PTPRM: variants seen among roughly 807,000 people sequenced by gnomAD.
PTPRM encodes receptor-type tyrosine-protein phosphatase mu.
In PTPRM, 47 loss-of-function variants were observed where a neutral mutation model predicts 186.7. The ratio of observed to expected loss-of-function variants is 0.25; its 90% CI spans 0.20 to 0.32. The LOEUF (loss-of-function observed/expected upper bound fraction) is 0.32, where lower values mean the gene tolerates loss of function less well. PTPRM is among the 10% of genes least tolerant of loss of function. The pLI, the probability that PTPRM is intolerant of heterozygous loss-of-function variation, is 1.00. For synonymous variants in PTPRM, 668 were observed against 674.9 expected (o/e 0.99, Z 0.16); for missense variants, 1,494 against 1,865.0 (o/e 0.80, Z 3.66).
chr18:7,866,561 A>G (rs1324854114), intron 2 of PTPRM, among the ~76,000 whole-genome samples: 1 of 152,168 alleles, frequency 6.6e-6, no homozygotes. Context: ...ACTGTTTGTT[A>G]TGATTTCCGT....
intron 11 of PTPRM, among the ~76,000 whole-genome samples, chr18:8,111,503 C>T (rs746840333): frequency 6.6e-6 from 1 of 151,972 alleles, no homozygotes; most frequent in East Asian, 1.9e-4. Context: ...GTTCCAGCTA[C>T]TTGGGAGGCT....
intron 13 of PTPRM, among the ~76,000 whole-genome samples, chr18:8,123,906 A>C (rs1323664831): frequency 1.3e-5 from 2 of 152,242 alleles, no homozygotes; most frequent in Non-Finnish European, 2.9e-5. Context: ...AATATAATTC[A>C]GTAGTCCTTT....
intron 1 of PTPRM, among the ~76,000 whole-genome samples, chr18:7,670,470 A>AT (rs2039195294): frequency 6.6e-6 from 1 of 152,228 alleles, no homozygotes; most frequent in African/African-American, 2.4e-5. Context: ...CAGAAAGAAA[A>AT]TGTGTATTAC....
intron 11 of PTPRM, among the ~76,000 whole-genome samples, chr18:8,105,821 T>TA (rs2091490127): frequency 6.6e-6 from 1 of 152,122 alleles, no homozygotes; most frequent in African/African-American, 2.4e-5. Flanking sequence ...ACAAAATACT[T>TA]ACGTAATATT....
At chr18:8,312,612 G>A (rs904347484) in intron 20 of PTPRM, among the ~76,000 whole-genome samples, 1 of 151,950 alleles carries the variant, frequency 6.6e-6, no homozygotes, top group Non-Finnish European at 1.5e-5. Flanking sequence ...CCACAAGGTA[G>A]GCACTCTTCA....
chr18:7,719,430 C>T (rs1359599365), intron 1 of PTPRM, among the ~76,000 whole-genome samples: 2 of 152,018 alleles, frequency 1.3e-5, no homozygotes, highest in Non-Finnish European at 2.9e-5. Flanking sequence ...ATATTGGGTA[C>T]AGTGTACACT....
chr18:7,955,195 A>T lies in PTPRM; in HGVS notation c.913A>T (p.Asn305Tyr), dbSNP rs1568071312. 6.2e-7 allele frequency: 1 copy of T among 1,614,178 alleles called. No individual in the cohort carries two copies. The highest frequency in any genetic ancestry group is 8.5e-7 in the Non-Finnish European group (1 of 1,180,036). The change falls in exon 7 of 33, where the codon AAC becomes TAC. Residue 305 changes from asparagine (N) to tyrosine (Y), a missense_variant. Asn to Tyr is a moderately radical substitution (Grantham distance 143). Around this residue, in one of 3 missense-constraint regions of PTPRM, gnomAD observed 91 missense variants for 169.3 expected, o/e 0.54. Coordinates refer to ENST00000580170, the MANE Select transcript of PTPRM (RefSeq NM_001105244.2). ...CTACCTGTGGATACAGCTCAACGCC[A>T]ACTCCATCAATGGGGATGGGCCCAT... ...ATYLWIQLNANSINGDGPIVA... is the reference protein window; with the variant it reads ...ATYLWIQLNAYSINGDGPIVA...
chr18:7,976,499 T>C (rs977998490), intron 7 of PTPRM, among the ~76,000 whole-genome samples: 2 of 152,214 alleles, frequency 1.3e-5, no homozygotes, highest in African/African-American at 4.8e-5. Flanking sequence ...GTTGATAATG[T>C]GGGAGGCTAC....
intron 7 of PTPRM, among the ~76,000 whole-genome samples, chr18:7,975,246 C>G (rs1335036256): frequency 6.6e-6 from 1 of 152,190 alleles, no homozygotes; most frequent in Non-Finnish European, 1.5e-5. Context: ...ACTGTACAAT[C>G]CAGCAGTTGT....
At chr18:8,224,265 CT>C (rs2094187512) in intron 14 of PTPRM, among the ~76,000 whole-genome samples, 1 of 152,176 alleles carries the variant, frequency 6.6e-6, no homozygotes, top group African/African-American at 2.4e-5. Flanking sequence ...CTCCAGTTTT[CT>C]CTTTTTATTT....
intron 21 of PTPRM, among the ~76,000 whole-genome samples, chr18:8,316,058 C>A (rs1307666950): frequency 6.6e-6 from 1 of 152,180 alleles, no homozygotes; most frequent in East Asian, 1.9e-4. Flanking sequence ...CTCAGATGTT[C>A]CAGACCAGTT....
intron 2 of PTPRM, among the ~76,000 whole-genome samples, chr18:7,845,367 T>C (rs2046540937): frequency 6.6e-6 from 1 of 152,230 alleles, no homozygotes; most frequent in Non-Finnish European, 1.5e-5. Context: ...ACCTGACAAA[T>C]GTCCACGTCA....
chr18:7,756,774 C>G (rs1452666804), intron 1 of PTPRM, among the ~76,000 whole-genome samples: 8 of 152,158 alleles, frequency 5.3e-5, no homozygotes, highest in Admixed American at 4.6e-4. Flanking sequence ...ATCATCTGCT[C>G]TGGGACTGCA....
intron 1 of PTPRM, among the ~76,000 whole-genome samples, chr18:7,619,991 A>C (rs1244796845): frequency 1.3e-5 from 2 of 152,186 alleles, no homozygotes; most frequent in Non-Finnish European, 2.9e-5. Flanking sequence ...TGGAGGGTGC[A>C]CAAGAAGTGA....
At position 7,783,748 on chromosome 18, in the gene PTPRM, TTG is replaced by T. The variant is rs60314284; in HGVS notation, c.196+9501_196+9502del. 5.4e-3 allele frequency among the ~76,000 whole-genome samples: 792 copies of T among 146,610 alleles called. 8 individuals carry two copies. The highest frequency in any genetic ancestry group is 0.017 in the African/African-American group (655 of 39,538). On this transcript the variant is annotated intron_variant, in intron 2 of 32. Transcript: ENST00000580170. ...CACCATGCCTGGCTAATTTTTAATT[TTG>T]TGTGTGTGTGTGTGTGTGTGTGTAT...
Position 7,629,607 on chromosome 18 carries a change from C to A in PTPRM, c.73+61716C>A, listed in dbSNP as rs570104929. ...GAAAGGTCAGCTTTGTGGTTGTACT[C>A]AAGAGAGTGAAGGGCAAGTTGTATT... On this transcript the variant is annotated intron_variant, in intron 1 of 32. Coordinates refer to ENST00000580170, the MANE Select transcript of PTPRM (RefSeq NM_001105244.2). Among the ~76,000 whole-genome samples, 6 of 152,178 alleles carry A rather than the reference C, an allele frequency of 3.9e-5. No homozygotes were observed. The East Asian group carries it at 1.2e-3, about 29-fold the overall frequency.
chr18:8,367,296 C>T lies in PTPRM; in HGVS notation c.3055-3594C>T, dbSNP rs565446266. Among the ~76,000 whole-genome samples the T allele has an allele frequency of 1.2e-4, 18 of 152,286 alleles. 1 individual carries two copies. In the South Asian group the frequency reaches 3.7e-3, roughly 32 times the overall value. On this transcript the variant is annotated intron_variant, in intron 23 of 32. Transcript: ENST00000580170. Reference sequence around the variant, plus strand: ...AGGACCGGATTCGAAATGCCTGGGCCGCCTGTTCTGGGCCCGCCCCGCCAG... The same window carrying T: ...AGGACCGGATTCGAAATGCCTGGGCTGCCTGTTCTGGGCCCGCCCCGCCAG...
chr18:8,178,528 A>C (rs1278234986), intron 14 of PTPRM, among the ~76,000 whole-genome samples: 1 of 152,148 alleles, frequency 6.6e-6, no homozygotes. Context: ...TCATGCCTGT[A>C]GTCTCAGCAC....
At chr18:7,704,372 G>T (rs946773702) in intron 1 of PTPRM, among the ~76,000 whole-genome samples, 8 of 152,122 alleles carry the variant, frequency 5.3e-5, no homozygotes. Context: ...TCTATTCAGG[G>T]ATTCGACTTC....
Sources: allele counts gnomAD v4.1 joint callset (sites outside exome capture counted in the v4.1 genomes callset), GRCh38; gene constraint gnomAD v4.1.1; regional missense constraint gnomAD v4.1.1; transcripts MANE v1.5; gene names NCBI Gene and HGNC (gene_info 2026-07-23, HGNC 2026-07-21).